Variants in NLGN1 observed in about 807,000 individuals in gnomAD.
The protein encoded by NLGN1 is neuroligin 1, also known as neuroligin-1.
NLGN1 carries 12 observed loss-of-function variants against 65.5 expected under a neutral mutation model. The ratio of observed to expected loss-of-function variants is 0.18; its 90% CI spans 0.12 to 0.30. NLGN1 has a LOEUF of 0.30. Among genes scored for constraint, NLGN1 ranks in the 10% least tolerant of loss-of-function variants. NLGN1 has a pLI of 1.00. For synonymous variants in NLGN1, 350 were observed against 359.5 expected (o/e 0.97, Z 0.30); for missense variants, 750 against 1,007.1 (o/e 0.74, Z 3.46).
At chr3:173,493,573 C>A (rs978912208) in intron 2 of NLGN1, among the ~76,000 whole-genome samples, 1 of 151,712 alleles carries the variant, frequency 6.6e-6, no homozygotes, top group Admixed American at 6.6e-5. Context: ...GGTAAAATTC[C>A]AAGTCCTGTA....
At chr3:173,839,961 C>T (rs558762344) in intron 4 of NLGN1, among the ~76,000 whole-genome samples, 100 of 152,238 alleles carry the variant, frequency 6.6e-4, no homozygotes, top group African/African-American at 2.1e-3. Flanking sequence ...AATATTCATG[C>T]GGCTAGTGTG....
intron 4 of NLGN1, among the ~76,000 whole-genome samples, chr3:174,135,659 T>G (rs551679233): frequency 5.4e-4 from 82 of 152,268 alleles, no homozygotes; most frequent in Non-Finnish European, 3.1e-4. Flanking sequence ...AAATATGACC[T>G]AATAGAATAC....
At chr3:173,911,394 T>C (rs1212887140) in intron 4 of NLGN1, among the ~76,000 whole-genome samples, 1 of 152,218 alleles carries the variant, frequency 6.6e-6, no homozygotes, top group Non-Finnish European at 1.5e-5. Flanking sequence ...AAATACTCCT[T>C]AAATATTGTA....
At chr3:173,839,659 G>A (rs1468415034) in intron 4 of NLGN1, among the ~76,000 whole-genome samples, 3 of 152,116 alleles carry the variant, frequency 2.0e-5, no homozygotes, top group Non-Finnish European at 4.4e-5. Context: ...TTGACCTTGT[G>A]ATCCACCTGC....
intron 3 of NLGN1, among the ~76,000 whole-genome samples, chr3:173,679,436 G>A (rs1763629147): frequency 6.6e-6 from 1 of 152,024 alleles, no homozygotes; most frequent in Non-Finnish European, 1.5e-5. Flanking sequence ...ATATGAATGG[G>A]TTGCTGAAGT....
chr3:174,231,463 G>T (rs1401469198), intron 4 of NLGN1, among the ~76,000 whole-genome samples: 1 of 152,148 alleles, frequency 6.6e-6, no homozygotes, highest in African/African-American at 2.4e-5. Flanking sequence ...CGCTGGGATT[G>T]CCCAACACTC....
chr3:173,882,653 T>C (rs1050687750), intron 4 of NLGN1, among the ~76,000 whole-genome samples: 2 of 152,098 alleles, frequency 1.3e-5, no homozygotes, highest in African/African-American at 4.8e-5. Flanking sequence ...CTTCATAGAA[T>C]TGAAGAGAGT....
chr3:174,132,909 G>T (rs770272470), intron 4 of NLGN1, among the ~76,000 whole-genome samples: 11 of 152,164 alleles, frequency 7.2e-5, no homozygotes, highest in Non-Finnish European at 1.3e-4. Context: ...TTTGGCCAGT[G>T]ACAAATTAGG....
chr3:173,556,664 A>G (rs1350569398), intron 2 of NLGN1, among the ~76,000 whole-genome samples: 1 of 152,002 alleles, frequency 6.6e-6, no homozygotes, highest in Non-Finnish European at 1.5e-5. Context: ...CAATTAGTCC[A>G]GCCTGGTGCA....
chr3:173,781,101 C>T (rs548585161), intron 3 of NLGN1, among the ~76,000 whole-genome samples: 33 of 134,028 alleles, frequency 2.5e-4, no homozygotes, highest in Non-Finnish European at 4.2e-4. Flanking sequence ...GCCAAGATCG[C>T]GCCACTGCAC....
At chr3:173,785,746 C>T (rs1485135232) in intron 3 of NLGN1, among the ~76,000 whole-genome samples, 1 of 151,872 alleles carries the variant, frequency 6.6e-6, no homozygotes, top group Non-Finnish European at 1.5e-5. Flanking sequence ...CATCTATTTA[C>T]AGTATTCTTA....
At chr3:173,931,717 A>G (rs1380761375) in intron 4 of NLGN1, among the ~76,000 whole-genome samples, 3 of 152,180 alleles carry the variant, frequency 2.0e-5, no homozygotes, top group South Asian at 2.1e-4. Context: ...GGAAATCACT[A>G]GAGAGTTTTG....
At chr3:173,525,230 TTTGTTGTTGTTGTTGTTG>T (rs34726754) in intron 2 of NLGN1, among the ~76,000 whole-genome samples, 1 of 150,236 alleles carries the variant, frequency 6.7e-6, no homozygotes, top group South Asian at 2.2e-4. Flanking sequence ...GGGTGGGTTT[TTTGTTGTTGTTGTTGTTG>T]TTGTTGTTGT....
intron 4 of NLGN1, among the ~76,000 whole-genome samples, chr3:174,039,187 A>G (rs1221081441): frequency 1.3e-5 from 2 of 151,996 alleles, no homozygotes; most frequent in South Asian, 2.1e-4. Context: ...CCCATATACC[A>G]GTTGCCTCAT....
intron 2 of NLGN1, among the ~76,000 whole-genome samples, chr3:173,442,992 G>T (rs1167636664): frequency 6.6e-6 from 1 of 152,116 alleles, no homozygotes; most frequent in Non-Finnish European, 1.5e-5. Context: ...TTTGAAGCCA[G>T]TTGGGGTCTA....
chr3:173,823,530 A>G (rs982092), intron 4 of NLGN1, among the ~76,000 whole-genome samples: 128,282 of 151,998 alleles, frequency 0.84, 54,986 homozygotes, highest in African/African-American at 0.93. Flanking sequence ...TCAACAGCAC[A>G]TGTAGTAGTC....
intron 3 of NLGN1, among the ~76,000 whole-genome samples, chr3:173,800,983 A>T (rs1005898071): frequency 6.6e-6 from 1 of 151,996 alleles, no homozygotes; most frequent in African/African-American, 2.4e-5. Flanking sequence ...CAACCATTTA[A>T]GTATTCTGGA....
At chr3:173,700,388 G>A (rs1766943295) in intron 3 of NLGN1, among the ~76,000 whole-genome samples, 1 of 152,158 alleles carries the variant, frequency 6.6e-6, no homozygotes, top group African/African-American at 2.4e-5. Context: ...ACTTTCTCAA[G>A]GTGAGAAAAG....
At chr3:173,985,510 T>C (rs1490585430) in intron 4 of NLGN1, among the ~76,000 whole-genome samples, 1 of 152,142 alleles carries the variant, frequency 6.6e-6, no homozygotes, top group Non-Finnish European at 1.5e-5. Flanking sequence ...AAATATGCAT[T>C]GAGTAAACAA....
Sources: allele counts gnomAD v4.1 joint callset (sites outside exome capture counted in the v4.1 genomes callset), GRCh38; gene constraint gnomAD v4.1.1; transcripts MANE v1.5; gene names NCBI Gene and HGNC (gene_info 2026-07-23, HGNC 2026-07-21).